Variants in SMAP2 observed in about 807,000 individuals in gnomAD.
SMAP2 encodes stromal membrane-associated protein 2.
SMAP2 carries 25 observed loss-of-function variants against 56.4 expected under a neutral mutation model. That is an observed-to-expected ratio of 0.44 (90% CI 0.32 to 0.62). The LOEUF (loss-of-function observed/expected upper bound fraction) is 0.62. SMAP2 is among the 20% of genes least tolerant of loss of function. The pLI, the probability that SMAP2 is intolerant of heterozygous loss-of-function variation, is 0.04. For synonymous variants in SMAP2, 157 were observed against 181.7 expected (o/e 0.86, Z 1.09); for missense variants, 388 against 545.6 (o/e 0.71, Z 2.88).
At chr1:40,406,969 A>G (rs1366204240) in intron 2 of SMAP2, 100 bp downstream of exon 2, 17 of 1,331,936 alleles carry the variant, frequency 1.3e-5, no homozygotes, top group Non-Finnish European at 1.6e-5. Flanking sequence ...AAGATAAAGG[A>G]AAATTTAGTT....
At chr1:40,345,182 T>A (rs367948044) in intron 1 of SMAP2, among the ~76,000 whole-genome samples, 1 of 151,900 alleles carries the variant, frequency 6.6e-6, no homozygotes, top group Non-Finnish European at 1.5e-5. Context: ...GGCGGGAGGA[T>A]CACTTGAGAC....
intron 1 of SMAP2, among the ~76,000 whole-genome samples, chr1:40,361,537 A>G (rs771927845): frequency 1.3e-5 from 2 of 152,014 alleles, no homozygotes. Context: ...GAGGTCCCCA[A>G]TTCCAGACCT....
At position 40,422,035 on chromosome 1, in the gene SMAP2, A is replaced by T; in HGVS notation, c.1224A>T (p.Gly408=). ...FYGANGMMNY[G]QSMSGGNGQA... is the part of the protein sequence containing the mutation. Reference sequence around the variant, plus strand: ...GAGCCAATGGCATGATGAACTATGGACAGTCAATGAGTGGCGGAAATGGAC... The same window carrying T: ...GAGCCAATGGCATGATGAACTATGGTCAGTCAATGAGTGGCGGAAATGGAC... The change falls in exon 10 of 10, where the codon GGA becomes GGT. Residue 408 remains glycine (G), a synonymous_variant. Coordinates refer to ENST00000372718, the MANE Select transcript of SMAP2 (RefSeq NM_022733.3). The T allele has an allele frequency of 6.2e-7, 1 of 1,614,172 alleles. No individual in the cohort carries two copies. The highest frequency in any genetic ancestry group is 8.5e-7 in the Non-Finnish European group (1 of 1,180,020).
chr1:40,387,798 T>C (rs1385468974), intron 1 of SMAP2, among the ~76,000 whole-genome samples: 1 of 151,504 alleles, frequency 6.6e-6, no homozygotes, highest in Non-Finnish European at 1.5e-5. Context: ...TGGGAGCCCC[T>C]TCCTGGGCTG....
intron 1 of SMAP2, among the ~76,000 whole-genome samples, chr1:40,345,553 C>T (rs576967538): frequency 3.9e-5 from 6 of 152,038 alleles, no homozygotes; most frequent in African/African-American, 1.2e-4. Context: ...TTTTGAACTC[C>T]TGGGCTCAAG....
chr1:40,348,259 C>T (rs978264889), intron 1 of SMAP2, among the ~76,000 whole-genome samples: 1 of 152,132 alleles, frequency 6.6e-6, no homozygotes, highest in Non-Finnish European at 1.5e-5. Context: ...TATTCTAAGG[C>T]GTTTGATATG....
rs114176455 is a variant in SMAP2 at position 40,376,306 on chromosome 1, T to C, written c.103+2083T>C. Among the ~76,000 whole-genome samples, 504 of 152,328 alleles carry C rather than the reference T, an allele frequency of 3.3e-3. 3 individuals carry two copies. The highest frequency in any genetic ancestry group is 0.012 in the African/African-American group (479 of 41,578). On this transcript the variant is annotated intron_variant, in intron 1 of 9. Transcript: ENST00000372718. ...TTACTGGGGATCAGGTTATGAAATA[T>C]CAGTTAATTCTTAATGAGAACTAGT...
intron 1 of SMAP2, among the ~76,000 whole-genome samples, chr1:40,394,573 C>A (rs1342236445): frequency 1.3e-5 from 2 of 152,032 alleles, no homozygotes; most frequent in African/African-American, 4.8e-5. Flanking sequence ...CTAGCTCTTT[C>A]TCCCTCCTTA....
At chr1:40,359,266 C>G (rs1443768420) in intron 1 of SMAP2, among the ~76,000 whole-genome samples, 1 of 152,184 alleles carries the variant, frequency 6.6e-6, no homozygotes, top group Non-Finnish European at 1.5e-5. Flanking sequence ...CCATGCCCAG[C>G]TAATTTTTGT....
chr1:40,347,210 T>TTG (rs150333831), intron 1 of SMAP2, among the ~76,000 whole-genome samples: 25,623 of 145,146 alleles, frequency 0.18, 2,330 homozygotes, highest in Middle Eastern at 0.21. Context: ...CCTGGCTAAT[T>TTG]TGTGTGTGTG....
At chr1:40,406,297 A>G (rs1205336566) in intron 1 of SMAP2, among the ~76,000 whole-genome samples, 1 of 152,218 alleles carries the variant, frequency 6.6e-6, no homozygotes, top group Non-Finnish European at 1.5e-5. Context: ...ATTAGCAGAC[A>G]CTGTAAAAAA....
chr1:40,414,902 G>A (rs1346283866), intron 6 of SMAP2, among the ~76,000 whole-genome samples: 1 of 152,200 alleles, frequency 6.6e-6, no homozygotes, highest in Non-Finnish European at 1.5e-5. Context: ...TGCTGATTGA[G>A]GTTATTGGCT....
rs1011463480 is a variant in SMAP2, at chr1:40,374,603, G to T, written c.103+380G>T. ...TGCGTGCGTGCGTGCGTGCGTGTGT[G>T]TGTGTGTGTGTGTGTGTGTGTGAGA... On this transcript the variant is annotated intron_variant, in intron 1 of 9. Transcript: ENST00000372718. This position sits in a 1 kb window ranked among gnomAD's most constrained non-coding sequence, Gnocchi z 5.9. 1.1e-4 allele frequency: 139 copies of T among 1,296,200 alleles called. No individual in the cohort carries two copies. In the African/African-American group the frequency reaches 2.1e-3, roughly 20 times the overall value. The allele number at this position is 1,296,200 out of a possible 1,614,324, so 80.3% of individuals were successfully genotyped here. A position where few individuals can be genotyped will look rare whatever the true frequency, so the allele number is the denominator to read the frequency against.
At chr1:40,421,463 C>T (rs965046384) in intron 9 of SMAP2, among the ~76,000 whole-genome samples, 6 of 152,016 alleles carry the variant, frequency 3.9e-5, no homozygotes, top group Non-Finnish European at 7.4e-5. Context: ...CCCCCGCCCC[C>T]GCCCCGCCAC....
intron 1 of SMAP2, among the ~76,000 whole-genome samples, chr1:40,395,251 T>C (rs1644758557): frequency 6.6e-6 from 1 of 152,136 alleles, no homozygotes; most frequent in Admixed American, 6.5e-5. Flanking sequence ...ACCTGGGGAA[T>C]TGAATTGATA....
chr1:40,375,587 G>A (rs548523954), intron 1 of SMAP2, among the ~76,000 whole-genome samples: 1 of 152,252 alleles, frequency 6.6e-6, no homozygotes, highest in African/African-American at 2.4e-5. Context: ...TTTTGCATTA[G>A]CAATAATTCA....
chr1:40,408,399 T>C lies in SMAP2; in HGVS notation c.238-254T>C, dbSNP rs1365870133. On this transcript the variant is annotated intron_variant, in intron 2 of 9. Transcript: ENST00000372718. This position sits in a 1 kb window ranked among gnomAD's most constrained non-coding sequence, Gnocchi z 4.3. ...GATCTTGATTTATTACTGAATTGAA[T>C]GTATCTTGGTACACAAATATTTCAG... 2.0e-5 allele frequency among the ~76,000 whole-genome samples: 3 copies of C among 152,218 alleles called. No homozygotes were observed. Among genetic ancestry groups the C allele is most frequent in the African/African-American group, 4.8e-5 (2 of 41,460 alleles).
chr1:40,411,363 T>C (rs759348978), intron 4 of SMAP2, among the ~76,000 whole-genome samples: 14 of 152,322 alleles, frequency 9.2e-5, no homozygotes, highest in Non-Finnish European at 1.6e-4. Flanking sequence ...CTCTGTTCAT[T>C]GTGCCTAAAG....
intron 1 of SMAP2, among the ~76,000 whole-genome samples, chr1:40,361,868 G>A (rs1644461255): frequency 6.6e-6 from 1 of 152,200 alleles, no homozygotes; most frequent in Non-Finnish European, 1.5e-5. Flanking sequence ...TGATTGTGCT[G>A]TCATTTTTGA....
Sources: allele counts gnomAD v4.1 joint callset (sites outside exome capture counted in the v4.1 genomes callset), GRCh38; gene constraint gnomAD v4.1.1; non-coding constraint Gnocchi (gnomAD v3.1); transcripts MANE v1.5; gene names NCBI Gene and HGNC (gene_info 2026-07-23, HGNC 2026-07-21).